The following CENPP variants were observed in gnomAD, a reference collection of about 807,000 sequenced individuals.
CENPP encodes the protein centromere protein P.
In CENPP, 24 loss-of-function variants were observed where a neutral mutation model predicts 35.6. The ratio of observed to expected loss-of-function variants is 0.67; its 90% CI spans 0.49 to 0.95. CENPP has a LOEUF of 0.95. CENPP is among the 40% of genes least tolerant of loss of function. The pLI, the probability that CENPP is intolerant of heterozygous loss-of-function variation, is 0.00. For missense variants in CENPP, 332 were observed against 345.3 expected, an observed-to-expected ratio of 0.96 and a Z score of 0.31; for synonymous variants, 120 against 125.5, an observed-to-expected ratio of 0.96 and a Z score of 0.29.
intron 5 of CENPP, among the ~76,000 whole-genome samples, chr9:92,404,987 A>G (rs1247141148): frequency 6.6e-6 from 1 of 152,130 alleles, no homozygotes; most frequent in Admixed American, 6.6e-5. Flanking sequence ...CCCTAATACC[A>G]TAATTAATAT....
chr9:92,553,443 A>T (rs1382865538), intron 5 of CENPP, among the ~76,000 whole-genome samples: 1 of 152,108 alleles, frequency 6.6e-6, no homozygotes, highest in Non-Finnish European at 1.5e-5. Context: ...TTCTGTGAAA[A>T]AGGATGGTGG....
At chr9:92,400,423 A>C (rs1198847653) in intron 5 of CENPP, among the ~76,000 whole-genome samples, 2 of 152,254 alleles carry the variant, frequency 1.3e-5, no homozygotes, top group Non-Finnish European at 2.9e-5. Context: ...TACTGGGATT[A>C]CAGGCGTGAG....
chr9:92,487,002 G>A (rs529049508), intron 5 of CENPP, among the ~76,000 whole-genome samples: 1 of 152,208 alleles, frequency 6.6e-6, no homozygotes, highest in Admixed American at 6.5e-5. Context: ...GGCTGGTCTG[G>A]AGCTCCTGAC....
intron 5 of CENPP, among the ~76,000 whole-genome samples, chr9:92,446,969 G>C (rs1844568027): frequency 6.6e-6 from 1 of 151,456 alleles, no homozygotes. Flanking sequence ...AGCACTTTAG[G>C]TAAGATAAAG....
rs561420234 is a variant in CENPP at position 92,434,748 on chromosome 9, A to T, written c.564+54889A>T. Among the ~76,000 whole-genome samples the T allele has an allele frequency of 5.9e-5, 9 of 152,306 alleles. No homozygotes were observed. In the East Asian group the frequency reaches 1.2e-3, roughly 20 times the overall value. ...AAGATGATTCAGACCTTAATTTTTT[A>T]AAAAGTTTTCTGGGCAAGATGGGGT... On this transcript the variant is annotated intron_variant, in intron 5 of 7. Coordinates refer to ENST00000375587, the MANE Select transcript of CENPP (RefSeq NM_001012267.3).
At position 92,567,383 on chromosome 9, in the gene CENPP, T is replaced by TATATATATATATATATATAG. The variant is rs1564005533; in HGVS notation, c.565-43918_565-43917insTATATAGATATATATATATA. Among the ~76,000 whole-genome samples the TATATATATATATATATATAG allele has an allele frequency of 3.0e-4, 28 of 94,620 alleles. No homozygotes were observed. The South Asian group carries it at 7.4e-3, about 25-fold the overall frequency. The allele number at this position is 94,620 out of a possible 152,430, so 62.1% of individuals were successfully genotyped here. A position where few individuals can be genotyped will look rare whatever the true frequency, so the allele number is the denominator to read the frequency against. On this transcript the variant is annotated intron_variant, in intron 5 of 7. Transcript: ENST00000375587. ...CAGTTACATAAGATAGATATATATA[T>TATATATATATATATATATAG]ATATATATATATAGATATATATATA... is the stretch of plus-strand genomic sequence containing the variant.
chr9:92,421,727 A>G (rs1041367288), intron 5 of CENPP, among the ~76,000 whole-genome samples: 2 of 152,250 alleles, frequency 1.3e-5, no homozygotes, highest in Non-Finnish European at 2.9e-5. Flanking sequence ...AAGTTGGTGG[A>G]GAATACAGAA....
intron 4 of CENPP, among the ~76,000 whole-genome samples, chr9:92,375,393 A>G (rs2130860093): frequency 6.6e-6 from 1 of 152,128 alleles, no homozygotes; most frequent in East Asian, 1.9e-4. Context: ...CCTGGGTTCA[A>G]GGGATTCTCC....
chr9:92,518,431 G>C (rs896533833), intron 5 of CENPP, among the ~76,000 whole-genome samples: 2 of 152,198 alleles, frequency 1.3e-5, no homozygotes, highest in Admixed American at 6.5e-5. Context: ...CCAGAGAGCT[G>C]AGCTAGCACT....
rs565764969 is a variant in CENPP, at chr9:92,413,553, A to G, written c.564+33694A>G. On this transcript the variant is annotated intron_variant, in intron 5 of 7. Coordinates refer to ENST00000375587, the MANE Select transcript of CENPP (RefSeq NM_001012267.3). ...TTCTAAAACACCTATAGTATTTTCC[A>G]CGTATTAACTCTTAATGTTTGAATT... Among the ~76,000 whole-genome samples, 3 of 152,298 alleles carry G rather than the reference A, an allele frequency of 2.0e-5. No individual in the cohort carries two copies. The East Asian group carries it at 5.8e-4, about 29-fold the overall frequency.
In CENPP at chr9:92,548,955, A is replaced by G. The variant is rs1031496761; in HGVS notation, c.565-62359A>G. Among the ~76,000 whole-genome samples, 7 of 152,340 alleles carry G rather than the reference A, an allele frequency of 4.6e-5. No homozygotes were observed. The East Asian group carries it at 1.3e-3, about 29-fold the overall frequency. ...AAAGCCAAGACATTCCTGAAGAAGA[A>G]CAAGGCTATAAGACTTTCTATCCCA... On this transcript the variant is annotated intron_variant, in intron 5 of 7. Transcript: ENST00000375587.
intron 5 of CENPP, among the ~76,000 whole-genome samples, chr9:92,576,407 T>C (rs1221607204): frequency 6.6e-6 from 1 of 152,142 alleles, no homozygotes; most frequent in African/African-American, 2.4e-5. Context: ...AAAACAGTTA[T>C]GAAAATGGAC....
chr9:92,373,654 C>T (rs558355895), intron 4 of CENPP, among the ~76,000 whole-genome samples: 3 of 151,928 alleles, frequency 2.0e-5, no homozygotes, highest in East Asian at 3.9e-4. Flanking sequence ...GATGAAACAC[C>T]GTCTCTACTA....
At chr9:92,384,565 T>C (rs1842350690) in intron 5 of CENPP, 1 of 152,192 alleles carries the variant, frequency 6.6e-6, no homozygotes, top group East Asian at 1.9e-4. Context: ...AAATTATTAC[T>C]CTCAGATAGA....
intron 5 of CENPP, among the ~76,000 whole-genome samples, chr9:92,485,164 C>G (rs1336275554): frequency 2.0e-5 from 3 of 152,200 alleles, no homozygotes; most frequent in African/African-American, 7.2e-5. Flanking sequence ...CCACCCTTTT[C>G]CAGGTTATCA....
chr9:92,545,790 T>A (rs1211685394), intron 5 of CENPP, among the ~76,000 whole-genome samples: 1 of 152,218 alleles, frequency 6.6e-6, no homozygotes, highest in Non-Finnish European at 1.5e-5. Flanking sequence ...CAGTCAGCAC[T>A]CCGTGTCTAG....
intron 5 of CENPP, chr9:92,496,017 T>C (rs1304986892): frequency 9.9e-7 from 1 of 1,007,506 alleles, no homozygotes; most frequent in Non-Finnish European, 1.2e-6. Flanking sequence ...AAAGGCTGTG[T>C]TTATTTTGTT....
chr9:92,345,991 G>T (rs1256018961), intron 4 of CENPP, among the ~76,000 whole-genome samples: 1 of 151,984 alleles, frequency 6.6e-6, no homozygotes, highest in African/African-American at 2.4e-5. Flanking sequence ...TTCACTATGT[G>T]CTGGGTATTA....
intron 5 of CENPP, among the ~76,000 whole-genome samples, chr9:92,563,786 TTCC>T (rs3996298): frequency 0.56 from 79,548 of 142,932 alleles, 23,222 homozygotes; most frequent in East Asian, 0.76. Context: ...CCTACCCCTC[TTCC>T]TCCTCCTCCT....
Sources: gnomAD v4.1 joint callset for allele counts (sites outside exome capture counted in the v4.1 genomes callset) on GRCh38, gnomAD v4.1.1 for gene constraint, MANE v1.5 for transcripts, NCBI Gene and HGNC (gene_info 2026-07-23, HGNC 2026-07-21) for gene names.